Variants in DYNC2H1 observed in about 807,000 individuals in gnomAD.
The protein encoded by DYNC2H1 is cytoplasmic dynein 2 heavy chain 1.
In DYNC2H1, 410 loss-of-function variants were observed where a neutral mutation model predicts 570.0. That is an observed-to-expected ratio of 0.72 (90% CI 0.66 to 0.78). The LOEUF (loss-of-function observed/expected upper bound fraction) is 0.78. DYNC2H1 is among the 30% of genes least tolerant of loss of function. DYNC2H1 has a pLI of 0.00. For synonymous variants in DYNC2H1, 1,688 were observed against 1,677.6 expected (o/e 1.01, Z -0.15); for missense variants, 4,865 against 5,046.4 (o/e 0.96, Z 1.09).
chr11:103,224,378 A>G (rs368760801), intron 59 of DYNC2H1, among the ~76,000 whole-genome samples: 64 of 147,576 alleles, frequency 4.3e-4, no homozygotes, highest in African/African-American at 1.4e-3. Context: ...ACTATACCCA[A>G]TGTGTAGTCT....
chr11:103,382,951 T>C (rs1346372244), intron 83 of DYNC2H1, among the ~76,000 whole-genome samples: 1 of 152,124 alleles, frequency 6.6e-6, no homozygotes, highest in Non-Finnish European at 1.5e-5. Flanking sequence ...AACTGAGATA[T>C]TTGCAGGAAG....
intron 82 of DYNC2H1, among the ~76,000 whole-genome samples, chr11:103,349,594 T>C (rs1272827366): frequency 6.6e-6 from 1 of 152,142 alleles, no homozygotes; most frequent in African/African-American, 2.4e-5. Flanking sequence ...AGTGTCAGCC[T>C]AGTACTGCAA....
In DYNC2H1 at chr11:103,311,908, C is replaced by T. The variant is rs546651727; in HGVS notation, c.11524C>T (p.Arg3842Cys). The T allele has an allele frequency of 1.2e-5, 19 of 1,610,366 alleles. No homozygotes were observed. Among genetic ancestry groups the T allele is most frequent in the African/African-American group, 4.0e-5 (3 of 74,796 alleles). ...SPPGLKKNLM[R>C]TYESWTPEQI... ...TCCAGGTTTAAAGAAGAATTTAATG[C>T]GTACTTATGAGTCTTGGACTCCTGA... Residue 3842 changes from arginine (R) to cysteine (C), a missense_variant, in exon 79 of 89, where the codon CGT becomes TGT. By Grantham distance (180) the Arg-to-Cys change is radical (BLOSUM62 -3). Transcript: ENST00000375735.
intron 82 of DYNC2H1, among the ~76,000 whole-genome samples, chr11:103,330,731 C>T (rs1431042336): frequency 6.6e-6 from 1 of 151,886 alleles, no homozygotes; most frequent in Admixed American, 6.6e-5. Flanking sequence ...TCATCTCCTT[C>T]ATGTCCCTCC....
At chr11:103,440,728 T>G (rs1458116517) in intron 85 of DYNC2H1, among the ~76,000 whole-genome samples, 4 of 152,158 alleles carry the variant, frequency 2.6e-5, no homozygotes, top group Non-Finnish European at 5.9e-5. Context: ...CCACTTAGTG[T>G]TATCCCCTGT....
In DYNC2H1 at chr11:103,178,846, G is replaced by A. The variant is rs546129713; in HGVS notation, c.6140-180G>A. ...CCTATTTTGTATGTTTATAGATAAAGTATTATTACATGATATATATCTGAG... is the reference window on the plus strand; with the variant it reads ...CCTATTTTGTATGTTTATAGATAAAATATTATTACATGATATATATCTGAG... On this transcript the variant is annotated intron_variant, in intron 38 of 88. Coordinates refer to ENST00000375735, the MANE Select transcript of DYNC2H1 (RefSeq NM_001377.3). Among the ~76,000 whole-genome samples, 4 of 152,096 alleles carry A rather than the reference G, an allele frequency of 2.6e-5. No individual in the cohort carries two copies. The South Asian group carries it at 8.3e-4, about 32-fold the overall frequency.
chr11:103,128,818 TGAGAA>T, intron 12 of DYNC2H1, 87 bp from the exon 13 acceptor site: 1 of 1,107,136 alleles, frequency 9.0e-7, no homozygotes, highest in Non-Finnish European at 1.3e-6. Flanking sequence ...ATTTTAGGAT[TGAGAA>T]AAGTTAACAT....
chr11:103,396,889 C>T (rs1294651283), intron 83 of DYNC2H1, among the ~76,000 whole-genome samples: 8 of 152,078 alleles, frequency 5.3e-5, no homozygotes, highest in Non-Finnish European at 5.9e-5. Context: ...AGTCAAATAC[C>T]ACATGTTCTG....
chr11:103,443,139 C>G (rs1944321300), intron 85 of DYNC2H1, among the ~76,000 whole-genome samples: 2 of 151,926 alleles, frequency 1.3e-5, no homozygotes, highest in Admixed American at 6.6e-5. Context: ...TCCCAGCTAT[C>G]AAAATTTTTT....
At chr11:103,236,186 A>G (rs1189034669) in intron 62 of DYNC2H1, among the ~76,000 whole-genome samples, 2 of 151,978 alleles carry the variant, frequency 1.3e-5, no homozygotes, top group Non-Finnish European at 2.9e-5. Context: ...GGTATTTTAC[A>G]AAATTATTTT....
At chr11:103,119,841 C>G (rs1449801320) in intron 6 of DYNC2H1, among the ~76,000 whole-genome samples, 2 of 152,146 alleles carry the variant, frequency 1.3e-5, no homozygotes, top group Admixed American at 6.5e-5. Flanking sequence ...GTAGACAGAA[C>G]TGCTAACAGG....
At chr11:103,422,164 G>A (rs143422254) in intron 84 of DYNC2H1, among the ~76,000 whole-genome samples, 1 of 152,056 alleles carries the variant, frequency 6.6e-6, no homozygotes, top group Non-Finnish European at 1.5e-5. Context: ...TCCCTGAATA[G>A]ACCAATAATG....
intron 83 of DYNC2H1, among the ~76,000 whole-genome samples, chr11:103,393,910 A>G (rs2671369): frequency 0.94 from 142,787 of 152,184 alleles, 67,686 homozygotes; most frequent in East Asian, 1. Flanking sequence ...ATCAGATTTC[A>G]TGAGACTTAT....
rs745376334 is a variant in DYNC2H1, at chr11:103,168,898, A to G, written c.4906A>G (p.Ser1636Gly). The G allele has an allele frequency of 4.3e-6, 7 of 1,613,026 alleles. No individual in the cohort carries two copies. The East Asian group carries it at 1.3e-4, about 31-fold the overall frequency. Residue 1636 changes from serine to glycine, a missense_variant, in exon 32 of 89, where the codon AGT (serine) becomes GGT (glycine). Ser to Gly is a moderately conservative substitution (Grantham distance 56). Around this residue, in one of 5 missense-constraint regions of DYNC2H1, gnomAD observed 1,936 missense variants for 1,962.1 expected, o/e 0.99. Transcript: ENST00000375735. ...WKKQLRFYMK[S>G]DHTCCVQMVD... The stretch of plus-strand genomic sequence containing the variant: ...AAAACAACTTAGATTCTATATGAAA[A>G]GTGATCATACATGTTGTGTTCAAAT...
At position 103,443,401 on chromosome 11, in the gene DYNC2H1, G is replaced by T. The variant is rs1944330706; in HGVS notation, c.12456+7369G>T. Among the ~76,000 whole-genome samples the T allele has an allele frequency of 2.0e-5, 3 of 151,844 alleles. No homozygotes were observed. In the South Asian group the frequency reaches 6.2e-4, roughly 31 times the overall value. ...ATTTATATGTTATCACACTTTAAAAGGACTTTGGGCTGTATATTATATTAT... is the reference window on the plus strand; with the variant it reads ...ATTTATATGTTATCACACTTTAAAATGACTTTGGGCTGTATATTATATTAT... On this transcript the variant is annotated intron_variant, in intron 85 of 88. Transcript: ENST00000375735.
intron 84 of DYNC2H1, among the ~76,000 whole-genome samples, chr11:103,410,796 TG>T (rs1943054153): frequency 2.7e-5 from 1 of 37,444 alleles, no homozygotes; most frequent in Non-Finnish European, 5.0e-5. Flanking sequence ...TTGGGTTAAT[TG>T]TATAGCTTGG....
chr11:103,310,224 T>G (rs1169351561), intron 78 of DYNC2H1, among the ~76,000 whole-genome samples: 1 of 152,090 alleles, frequency 6.6e-6, no homozygotes, highest in Non-Finnish European at 1.5e-5. Context: ...CCGAATTTTC[T>G]TCTTTTTTCT....
At chr11:103,143,688 G>A (rs1860087926) in intron 18 of DYNC2H1, among the ~76,000 whole-genome samples, 1 of 152,050 alleles carries the variant, frequency 6.6e-6, no homozygotes, top group Admixed American at 6.6e-5. Flanking sequence ...ATCTCAGTAT[G>A]GTTAGAAGCT....
In DYNC2H1 at chr11:103,117,562, A is replaced by G. The variant is rs547539905; in HGVS notation, c.767-69A>G. 36 of 1,227,736 alleles carry G rather than the reference A, an allele frequency of 2.9e-5. No homozygotes were observed. In the African/African-American group the frequency reaches 3.5e-4, roughly 12 times the overall value. 76.1% of individuals were successfully genotyped at this position (1,227,736 alleles called of 1,614,324 possible). On this transcript the variant is annotated intron_variant, in intron 5 of 88. Coordinates refer to ENST00000375735, the MANE Select transcript of DYNC2H1 (RefSeq NM_001377.3). ...ATATTTTAAAAATATTGTCATAAGC[A>G]TGTATTTTATAATTTTTCTATAAAA...
Sources: gnomAD v4.1 joint callset for allele counts (sites outside exome capture counted in the v4.1 genomes callset) on GRCh38, gnomAD v4.1.1 for gene constraint, gnomAD v4.1.1 regional missense constraint, MANE v1.5 for transcripts, NCBI Gene and HGNC (gene_info 2026-07-23, HGNC 2026-07-21) for gene names.